KLF12: variants seen among roughly 807,000 people sequenced by gnomAD.
The protein encoded by KLF12 is Krueppel-like factor 12.
KLF12 carries 9 observed loss-of-function variants against 37.8 expected under a neutral mutation model. That is an observed-to-expected ratio of 0.24 (90% CI 0.14 to 0.42). KLF12 has a LOEUF of 0.42. Among genes scored for constraint, KLF12 ranks in the 10% least tolerant of loss-of-function variants. The pLI is 1.00. For missense variants in KLF12, 411 were observed against 516.0 expected, an observed-to-expected ratio of 0.80 and a Z score of 1.97; for synonymous variants, 208 against 202.1, an observed-to-expected ratio of 1.03 and a Z score of -0.25.
At chr13:74,275,867 T>TTTC in the KLF12 span, among the ~76,000 whole-genome samples, 128 of 79,310 alleles carry the variant, frequency 1.6e-3, 1 homozygote, top group African/African-American at 5.9e-3. Context: ...TCTTTCTTTC[T>TTTC]ATCTTTCTTT....
At position 73,722,266 on chromosome 13, in the gene KLF12, A is replaced by G. The variant is rs139740416; in HGVS notation, c.870-6741T>C. ...CAGAGCAAGAGTGGATGAGACTTTC[A>G]GTTAATCAGGATTTACATAAATCTC... On this transcript the variant is annotated intron_variant, in intron 6 of 7. Coordinates refer to ENST00000377669, the MANE Select transcript of KLF12 (RefSeq NM_007249.5). 6.8e-4 allele frequency among the ~76,000 whole-genome samples: 103 copies of G among 152,312 alleles called. No individual in the cohort carries two copies. The East Asian group carries it at 0.019, about 28-fold the overall frequency.
chr13:73,732,235 C>T (rs1877117916), intron 6 of KLF12, among the ~76,000 whole-genome samples: 1 of 151,856 alleles, frequency 6.6e-6, no homozygotes, highest in African/African-American at 2.4e-5. Context: ...AGGCACCCAC[C>T]ACCACACCTG....
At chr13:74,227,983 T>A in the KLF12 span, among the ~76,000 whole-genome samples, 2 of 152,190 alleles carry the variant, frequency 1.3e-5, no homozygotes, top group African/African-American at 4.8e-5. Flanking sequence ...AAGATCAGTA[T>A]GTTTAAGTTA....
chr13:73,871,996 C>T lies in KLF12; in HGVS notation c.124-25623G>A, dbSNP rs182726018. On this transcript the variant is annotated intron_variant, in intron 3 of 7. Coordinates refer to ENST00000377669, the MANE Select transcript of KLF12 (RefSeq NM_007249.5). ...ACTAGAATGTTGTTTTTGTGGAGTT[C>T]GTGGAAGTGATCATATTAAGGCTTG... Among the ~76,000 whole-genome samples, 146 of 152,212 alleles carry T rather than the reference C, an allele frequency of 9.6e-4. No homozygotes were observed. In the Middle Eastern group the frequency reaches 0.01, roughly 11 times the overall value.
chr13:74,177,176 C>A, the KLF12 span, among the ~76,000 whole-genome samples: 3 of 152,076 alleles, frequency 2.0e-5, no homozygotes, highest in African/African-American at 7.2e-5. Context: ...AAGGAAGGTA[C>A]AAAACATGAA....
intron 7 of KLF12, among the ~76,000 whole-genome samples, chr13:73,702,263 G>C (rs963634175): frequency 6.6e-6 from 1 of 152,008 alleles, no homozygotes; most frequent in Non-Finnish European, 1.5e-5. Context: ...TTTCAATTTT[G>C]GTTAAAGAAA....
At chr13:74,058,480 C>G (rs916755455) in intron 1 of KLF12, among the ~76,000 whole-genome samples, 13 of 151,368 alleles carry the variant, frequency 8.6e-5, no homozygotes, top group African/African-American at 2.4e-4. Context: ...CTCAGCCTCC[C>G]GAGTAGCTGG....
At chr13:74,032,176 T>G (rs923810937) in intron 1 of KLF12, among the ~76,000 whole-genome samples, 3 of 152,196 alleles carry the variant, frequency 2.0e-5, no homozygotes, top group Admixed American at 2.0e-4. Context: ...ACCTACGATA[T>G]GTAGTAGGAG....
intron 7 of KLF12, among the ~76,000 whole-genome samples, chr13:73,712,000 T>A (rs572898624): frequency 6.6e-6 from 1 of 152,138 alleles, no homozygotes; most frequent in Non-Finnish European, 1.5e-5. Context: ...AGGGCTTCCA[T>A]GGAGAAAGGA....
intron 2 of KLF12, among the ~76,000 whole-genome samples, chr13:73,994,122 A>G (rs1892042251): frequency 6.6e-6 from 1 of 152,226 alleles, no homozygotes; most frequent in Non-Finnish European, 1.5e-5. Context: ...ATTTAAGTGA[A>G]AGATACAACC....
At chr13:74,135,122 G>C (rs990456042), upstream of KLF12, among the ~76,000 whole-genome samples, 2 of 151,972 alleles carry the variant, frequency 1.3e-5, no homozygotes, top group South Asian at 4.1e-4. Context: ...CCGGAGCGAC[G>C]CACGTTGCGG....
chr13:73,721,299 C>T (rs889715050), intron 6 of KLF12, among the ~76,000 whole-genome samples: 8 of 152,194 alleles, frequency 5.3e-5, no homozygotes, highest in African/African-American at 1.9e-4. Context: ...GATGAAGATA[C>T]AGGTATTACA....
intron 2 of KLF12, among the ~76,000 whole-genome samples, chr13:73,963,040 T>C (rs1003672535): frequency 6.6e-6 from 1 of 152,152 alleles, no homozygotes; most frequent in Non-Finnish European, 1.5e-5. Context: ...ATAGAAGGGA[T>C]TGGTTAATAA....
chr13:74,290,913 C>G, the KLF12 span, among the ~76,000 whole-genome samples: 3 of 152,194 alleles, frequency 2.0e-5, no homozygotes, highest in African/African-American at 7.2e-5. Context: ...AATGAACAAA[C>G]AAACAGTTGG....
intron 2 of KLF12, among the ~76,000 whole-genome samples, chr13:73,963,351 TACACAC>T (rs57682253): frequency 2.0e-5 from 3 of 149,314 alleles, no homozygotes; most frequent in Admixed American, 6.7e-5. Flanking sequence ...TACTTCAGTA[TACACAC>T]ACACACACAC....
intron 2 of KLF12, among the ~76,000 whole-genome samples, chr13:73,977,537 T>C (rs900246809): frequency 1.3e-5 from 2 of 152,212 alleles, no homozygotes; most frequent in Non-Finnish European, 2.9e-5. Flanking sequence ...TAATGAAATA[T>C]ATAAAAATGA....
chr13:74,216,355 CATTGGCCACAGGGTAATGTACAAAAAA>C, the KLF12 span, among the ~76,000 whole-genome samples: 1 of 152,068 alleles, frequency 6.6e-6, no homozygotes, highest in Non-Finnish European at 1.5e-5. Flanking sequence ...TCAAGTGTTT[CATTGGCCACAGGGTAATGTACAAAAAA>C]ATTGGCCACA....
rs1307748748 is a variant in KLF12 at position 73,690,794 on chromosome 13, T to A, written c.*4696A>T. On this transcript the variant is annotated 3_prime_UTR_variant, in exon 8 of 8. Transcript: ENST00000377669. ...AAACTATTTACAACCTCTGTAAAATTTGTGAGTTTGAAAATACTTTTTCCA... is the reference window on the plus strand; with the variant it reads ...AAACTATTTACAACCTCTGTAAAATATGTGAGTTTGAAAATACTTTTTCCA... 6.6e-6 allele frequency: 1 copy of A among 152,646 alleles called. No individual in the cohort carries two copies. The highest frequency in any genetic ancestry group is 1.9e-4 in the East Asian group (1 of 5,196). 9.5% of individuals were successfully genotyped at this position (152,646 alleles called of 1,614,324 possible). A position where few individuals can be genotyped will look rare whatever the true frequency, so the allele number is the denominator to read the frequency against.
At chr13:73,898,302 G>A (rs1173764334) in intron 3 of KLF12, among the ~76,000 whole-genome samples, 2 of 152,102 alleles carry the variant, frequency 1.3e-5, no homozygotes, top group Non-Finnish European at 2.9e-5. Flanking sequence ...TGATTATCAG[G>A]TCAATAATCT....
Sources: allele counts gnomAD v4.1 joint callset (sites outside exome capture counted in the v4.1 genomes callset), GRCh38; gene constraint gnomAD v4.1.1; transcripts MANE v1.5; gene names NCBI Gene and HGNC (gene_info 2026-07-23, HGNC 2026-07-21).